ADCY2: variants seen among roughly 807,000 people sequenced by gnomAD.
ADCY2 encodes adenylate cyclase 2, also known as adenylate cyclase type 2.
Under a neutral mutation model 125.2 loss-of-function variants are expected in ADCY2, and 31 were observed. The observed-to-expected ratio is 0.25, with a 90% confidence interval of 0.19 to 0.33. The LOEUF (loss-of-function observed/expected upper bound fraction) is 0.33, where lower values mean the gene tolerates loss of function less well. Among genes scored for constraint, ADCY2 ranks in the 10% least tolerant of loss-of-function variants. The pLI, the probability that ADCY2 is intolerant of heterozygous loss-of-function variation, is 1.00. For synonymous variants in ADCY2, 512 were observed against 548.4 expected, an observed-to-expected ratio of 0.93 and a Z score of 0.93; for missense variants, 904 against 1,418.2, an observed-to-expected ratio of 0.64 and a Z score of 5.82.
At chr5:7,716,379 C>T (rs545927629) in intron 11 of ADCY2, among the ~76,000 whole-genome samples, 1 of 152,272 alleles carries the variant, frequency 6.6e-6, no homozygotes, top group African/African-American at 2.4e-5. Flanking sequence ...AGGGGAATTT[C>T]CAGAACCAAT....
intron 16 of ADCY2, among the ~76,000 whole-genome samples, chr5:7,761,253 G>T (rs1579403536): frequency 7.4e-6 from 1 of 135,008 alleles, no homozygotes. Context: ...AGGTTCAAAT[G>T]ATTCTCCTGC....
chr5:7,802,061 A>C lies in ADCY2; in HGVS notation c.2629-157A>C. ...GAAGCTTTCCCCTGAGAGCAGCGGC[A>C]GCATCTGGATTGGGCCGCGGCTGGG... On this transcript the variant is annotated intron_variant, in intron 20 of 24. Transcript: ENST00000338316. The surrounding 1 kb of genome is among the most constrained non-coding windows in gnomAD (Gnocchi z 4.6). 1 of 700,254 alleles carries C rather than the reference A, an allele frequency of 1.4e-6. No homozygotes were observed. Among genetic ancestry groups the C allele is most frequent in the South Asian group, 2.0e-5 (1 of 49,848 alleles). 43.4% of individuals were successfully genotyped at this position (700,254 alleles called of 1,614,324 possible).
chr5:7,632,140 G>A (rs541560331), intron 4 of ADCY2, among the ~76,000 whole-genome samples: 1 of 152,200 alleles, frequency 6.6e-6, no homozygotes, highest in African/African-American at 2.4e-5. Context: ...TAAATGTCAC[G>A]CCTGAGCTTT....
intron 18 of ADCY2, among the ~76,000 whole-genome samples, chr5:7,779,580 C>T (rs55999914): frequency 6.7e-6 from 1 of 148,990 alleles, no homozygotes; most frequent in Non-Finnish European, 1.5e-5. Flanking sequence ...TCCAACCCCC[C>T]CCCCAACACA....
intron 4 of ADCY2, among the ~76,000 whole-genome samples, chr5:7,679,511 G>A (rs1740256913): frequency 6.6e-6 from 1 of 152,222 alleles, no homozygotes; most frequent in Non-Finnish European, 1.5e-5. Flanking sequence ...GAGGAGAGAA[G>A]CCAGTTAGGA....
chr5:7,495,319 G>A (rs2126494646), intron 2 of ADCY2, among the ~76,000 whole-genome samples: 1 of 152,286 alleles, frequency 6.6e-6, no homozygotes, highest in Non-Finnish European at 1.5e-5. Flanking sequence ...GTATCTCTGT[G>A]TCAGGAATTT....
chr5:7,706,950 G>C (rs1237631986), intron 8 of ADCY2, 48 bp downstream of exon 8: 6 of 1,606,792 alleles, frequency 3.7e-6, no homozygotes, highest in Non-Finnish European at 5.1e-6. Flanking sequence ...AGAACTATTA[G>C]GAATGACAGA....
At chr5:7,512,762 G>T (rs529903484) in intron 2 of ADCY2, among the ~76,000 whole-genome samples, 1 of 152,266 alleles carries the variant, frequency 6.6e-6, no homozygotes, top group South Asian at 2.1e-4. Flanking sequence ...AGCCAGTGGA[G>T]CTCAGCCTGC....
intron 3 of ADCY2, among the ~76,000 whole-genome samples, chr5:7,556,269 G>A (rs1312146540): frequency 1.1e-4 from 17 of 152,252 alleles, no homozygotes; most frequent in Non-Finnish European, 2.2e-4. Context: ...AGTGAATAGT[G>A]TAGAGAAGTC....
intron 12 of ADCY2, among the ~76,000 whole-genome samples, chr5:7,720,920 G>C (rs1364301242): frequency 6.6e-6 from 1 of 152,204 alleles, no homozygotes. Flanking sequence ...CCAGTAATGG[G>C]ATGGCTGGGG....
intron 14 of ADCY2, among the ~76,000 whole-genome samples, chr5:7,735,572 T>C (rs1373598650): frequency 2.6e-5 from 4 of 152,336 alleles, no homozygotes; most frequent in South Asian, 4.1e-4. Flanking sequence ...TCTGCAGCTA[T>C]TGAGATGATA....
intron 2 of ADCY2, among the ~76,000 whole-genome samples, chr5:7,418,647 G>GT (rs869287430): frequency 0.011 from 847 of 73,724 alleles, 136 homozygotes; most frequent in African/African-American, 0.015. Flanking sequence ...TCTACCTTCT[G>GT]TTTTTTTTTT....
At chr5:7,550,482 A>G (rs1049652522) in intron 3 of ADCY2, among the ~76,000 whole-genome samples, 2 of 152,206 alleles carry the variant, frequency 1.3e-5, no homozygotes, top group African/African-American at 4.8e-5. Flanking sequence ...CATCATATGA[A>G]GAAGTACTTT....
chr5:7,580,967 A>T (rs573875936), intron 3 of ADCY2, among the ~76,000 whole-genome samples: 1 of 152,324 alleles, frequency 6.6e-6, no homozygotes, highest in African/African-American at 2.4e-5. Context: ...CTCTAACTCT[A>T]AGTGAAAATA....
intron 2 of ADCY2, among the ~76,000 whole-genome samples, chr5:7,470,048 A>T (rs1322378507): frequency 6.6e-6 from 1 of 151,840 alleles, no homozygotes; most frequent in African/African-American, 2.4e-5. Flanking sequence ...TAATTGGCCA[A>T]GTTAACTTTA....
chr5:7,601,055 C>G (rs1185614956), intron 3 of ADCY2, among the ~76,000 whole-genome samples: 2 of 152,024 alleles, frequency 1.3e-5, no homozygotes, highest in African/African-American at 4.8e-5. Flanking sequence ...GAAGCTGGTA[C>G]CATAGAGGCC....
intron 3 of ADCY2, among the ~76,000 whole-genome samples, chr5:7,606,729 C>G (rs1737390732): frequency 6.6e-6 from 1 of 152,086 alleles, no homozygotes; most frequent in South Asian, 2.1e-4. Flanking sequence ...TCACTTGATG[C>G]TTGTTATTTT....
intron 22 of ADCY2, among the ~76,000 whole-genome samples, chr5:7,809,187 G>C (rs1744856717): frequency 6.6e-6 from 1 of 152,160 alleles, no homozygotes; most frequent in Admixed American, 6.5e-5. Context: ...GACTCAAATA[G>C]AACAGAGATA....
intron 14 of ADCY2, among the ~76,000 whole-genome samples, chr5:7,729,031 C>T (rs1363134458): frequency 6.6e-6 from 1 of 152,182 alleles, no homozygotes; most frequent in Non-Finnish European, 1.5e-5. Flanking sequence ...TTCTCTCAAG[C>T]TTCATCACCC....
Sources: gnomAD v4.1 joint callset for allele counts (sites outside exome capture counted in the v4.1 genomes callset) on GRCh38, gnomAD v4.1.1 for gene constraint, Gnocchi (gnomAD v3.1) non-coding constraint, MANE v1.5 for transcripts, NCBI Gene and HGNC (gene_info 2026-07-23, HGNC 2026-07-21) for gene names.